RGSL1: variants seen among roughly 807,000 people sequenced by gnomAD.
The protein encoded by RGSL1 is regulator of G protein signaling like 1, also known as regulator of G protein signaling protein-like.
RGSL1 carries 97 observed loss-of-function variants against 124.7 expected under a neutral mutation model. The observed-to-expected ratio is 0.78, with a 90% confidence interval of 0.66 to 0.92. The LOEUF (loss-of-function observed/expected upper bound fraction) is 0.92. Among genes scored for constraint, RGSL1 ranks in the 40% least tolerant of loss-of-function variants. RGSL1 has a pLI of 0.00. For synonymous variants in RGSL1, 424 were observed against 438.1 expected (o/e 0.97, Z 0.40); for missense variants, 1,233 against 1,288.4 (o/e 0.96, Z 0.66).
chr1:182,488,788 C>T, intron 7 of RGSL1, 192 bp from the exon 8 acceptor site: 2 of 477,698 alleles, frequency 4.2e-6, no homozygotes, highest in East Asian at 7.0e-5. Context: ...AAATTTCTTC[C>T]TTATAGAAAA....
At chr1:182,508,005 T>G (rs1488842176) in intron 9 of RGSL1, among the ~76,000 whole-genome samples, 3 of 152,140 alleles carry the variant, frequency 2.0e-5, no homozygotes, top group Admixed American at 6.5e-5. Context: ...CCCAGATGTT[T>G]TTTTGATATG....
chr1:182,534,887 C>T (rs771071931), intron 14 of RGSL1, among the ~76,000 whole-genome samples: 1 of 152,076 alleles, frequency 6.6e-6, no homozygotes, highest in Non-Finnish European at 1.5e-5. Flanking sequence ...AGCTCAAGCC[C>T]TCATGCCCCA....
intron 9 of RGSL1, among the ~76,000 whole-genome samples, chr1:182,517,397 C>T (rs592569): frequency 0.86 from 131,079 of 151,604 alleles, 56,979 homozygotes; most frequent in Non-Finnish European, 0.89. Flanking sequence ...CCTTCCTGTA[C>T]CTGGATACTT....
At chr1:182,552,344 G>C (rs1413985455) in intron 18 of RGSL1, among the ~76,000 whole-genome samples, 1 of 152,132 alleles carries the variant, frequency 6.6e-6, no homozygotes, top group African/African-American at 2.4e-5. Context: ...TCGATCTCCT[G>C]ACCTTGTGAT....
chr1:182,527,507 A>T lies in RGSL1; in HGVS notation c.1932-72A>T. 2.3e-6 allele frequency: 3 copies of T among 1,327,604 alleles called. No individual in the cohort carries two copies. The South Asian group carries it at 4.4e-5, about 20-fold the overall frequency. 82.2% of individuals were successfully genotyped at this position (1,327,604 alleles called of 1,614,324 possible). A position where few individuals can be genotyped will look rare whatever the true frequency, so the allele number is the denominator to read the frequency against. ...TATAGCCTGGTCAATGCACTTCCCCATTTCCTAATTGAAACAGAATCCAGA... is the reference window on the plus strand; with the variant it reads ...TATAGCCTGGTCAATGCACTTCCCCTTTTCCTAATTGAAACAGAATCCAGA... On this transcript the variant is annotated intron_variant, in intron 10 of 21. Coordinates refer to ENST00000294854, the MANE Select transcript of RGSL1 (RefSeq NM_001137669.2).
chr1:182,523,322 T>G (rs1437672254), intron 10 of RGSL1, among the ~76,000 whole-genome samples: 1 of 151,904 alleles, frequency 6.6e-6, no homozygotes, highest in Non-Finnish European at 1.5e-5. Context: ...ATTACAGGCA[T>G]TTGTACCCAG....
intron 21 of RGSL1, among the ~76,000 whole-genome samples, chr1:182,559,631 GT>G (rs1661058925): frequency 6.6e-6 from 1 of 152,120 alleles, no homozygotes; most frequent in Non-Finnish European, 1.5e-5. Flanking sequence ...CCTTCACCTG[GT>G]TGGAAAAGTC....
At chr1:182,449,971 G>C (rs1339109978), upstream of RGSL1, 1 of 639,048 alleles carries the variant, frequency 1.6e-6, no homozygotes, top group Non-Finnish European at 2.8e-6. Context: ...ATGTCCAAGG[G>C]GATTCAGCAG....
intron 18 of RGSL1, among the ~76,000 whole-genome samples, chr1:182,553,181 G>A (rs1660670086): frequency 6.6e-6 from 1 of 152,136 alleles, no homozygotes; most frequent in African/African-American, 2.4e-5. Context: ...TGGGATTACA[G>A]GCATGAGCCA....
chr1:182,507,441 C>A (rs1447625362), intron 9 of RGSL1, among the ~76,000 whole-genome samples: 1 of 152,164 alleles, frequency 6.6e-6, no homozygotes, highest in African/African-American at 2.4e-5. Context: ...TTCATGAAAT[C>A]CCTTTTTAAG....
chr1:182,541,822 T>C (rs143895326), intron 15 of RGSL1, among the ~76,000 whole-genome samples: 91 of 152,342 alleles, frequency 6.0e-4, no homozygotes, highest in Non-Finnish European at 1.1e-3. Context: ...ATTTCTCTCA[T>C]GATTTGTGAT....
intron 20 of RGSL1, chr1:182,555,535 A>G (rs1660812313): frequency 6.3e-6 from 1 of 159,064 alleles, no homozygotes; most frequent in African/African-American, 2.4e-5. Flanking sequence ...AGCCTAACTC[A>G]CTTCTGCACA....
intron 4 of RGSL1, among the ~76,000 whole-genome samples, chr1:182,461,780 ATAGGACAGTAGAAAC>A (rs143294924): frequency 0.37 from 55,834 of 151,932 alleles, 10,548 homozygotes; most frequent in East Asian, 0.49. Context: ...AAACCAGAAG[ATAGGACAGTAGAAAC>A]TATTAAATCT....
chr1:182,482,139 T>C (rs1320603682), intron 6 of RGSL1, among the ~76,000 whole-genome samples: 1 of 152,180 alleles, frequency 6.6e-6, no homozygotes, highest in Non-Finnish European at 1.5e-5. Flanking sequence ...AAAAATCACA[T>C]GATCAGCTCA....
chr1:182,514,347 T>A (rs1268424927), intron 9 of RGSL1, among the ~76,000 whole-genome samples: 1 of 152,082 alleles, frequency 6.6e-6, no homozygotes, highest in East Asian at 1.9e-4. Flanking sequence ...CCATTTAGGG[T>A]CATTCACTGG....
chr1:182,539,626 A>G (rs2333145), intron 14 of RGSL1, among the ~76,000 whole-genome samples: 78,735 of 151,970 alleles, frequency 0.52, 20,663 homozygotes, highest in Non-Finnish European at 0.55. Context: ...TCCAGCCCAT[A>G]CCTGTTCTTT....
At chr1:182,478,955 A>G (rs572446909) in intron 6 of RGSL1, among the ~76,000 whole-genome samples, 1 of 152,316 alleles carries the variant, frequency 6.6e-6, no homozygotes, top group Non-Finnish European at 1.5e-5. Flanking sequence ...TGAAGGAAAG[A>G]AAAGGAAAAC....
chr1:182,474,715 G>A (rs886220208), intron 6 of RGSL1, among the ~76,000 whole-genome samples, 173 bp downstream of exon 6: 14 of 152,246 alleles, frequency 9.2e-5, no homozygotes, highest in Admixed American at 3.9e-4. Context: ...CCCCTGGGCC[G>A]CAAATCTGTA....
rs1228267950 is a variant in RGSL1 at position 182,527,774 on chromosome 1, T to C, written c.2125+2T>C. 2 of 1,547,142 alleles carry C rather than the reference T, an allele frequency of 1.3e-6. No homozygotes were observed. Among genetic ancestry groups the C allele is most frequent in the East Asian group, 2.4e-5 (1 of 40,870 alleles). On this transcript the variant is annotated splice_donor_variant, in intron 11 of 21. Coordinates refer to ENST00000294854, the MANE Select transcript of RGSL1 (RefSeq NM_001137669.2). LOFTEE classifies it high-confidence loss of function. The stretch of plus-strand genomic sequence containing the variant: ...TCTTCCAAGGCCAACTCTCTCCTGG[T>C]ATGCATCCTCTTCTGATCCTGTTTT...
Sources: gnomAD v4.1 joint callset for allele counts (sites outside exome capture counted in the v4.1 genomes callset) on GRCh38, gnomAD v4.1.1 for gene constraint, MANE v1.5 for transcripts, NCBI Gene and HGNC (gene_info 2026-07-23, HGNC 2026-07-21) for gene names.